ZNF16: variants seen among roughly 807,000 people sequenced by gnomAD.
ZNF16 encodes zinc finger protein 16.
In ZNF16, 7 loss-of-function variants were observed where a neutral mutation model predicts 9.0. That is an observed-to-expected ratio of 0.78 (90% confidence interval 0.44 to 1.47). The LOEUF (loss-of-function observed/expected upper bound fraction) is 1.47. Among genes scored for constraint, ZNF16 ranks in the 40% most tolerant of loss-of-function variants. ZNF16 has a pLI of 0.01. For synonymous variants in ZNF16, 312 were observed against 301.5 expected (o/e 1.03, Z -0.36); for missense variants, 830 against 854.2 (o/e 0.97, Z 0.35).
chr8:144,932,083 GCCTC>G lies in ZNF16; in HGVS notation c.700_703del (p.Glu234LeufsTer26), dbSNP rs765164431. ...CCCACAATCATCACACATAAAGGAA[GCCTC>G]CCCAGTGTGGACTATTTGACGCTGA... On this transcript the variant is annotated frameshift_variant, in exon 3 of 3. Coordinates refer to ENST00000394909, the MANE Select transcript of ZNF16 (RefSeq NM_006958.3). LOFTEE classifies it low-confidence loss of function (END_TRUNC). The surrounding 1 kb of genome is among the most constrained non-coding windows in gnomAD (Gnocchi z 5.0). The G allele has an allele frequency of 2.5e-6, 4 of 1,613,932 alleles. No homozygotes were observed.
intron 2 of ZNF16, chr8:144,944,460 ACAGGTGTGAGCCACCG>A (rs1833880383): frequency 6.8e-6 from 1 of 148,116 alleles, no homozygotes; most frequent in Non-Finnish European, 1.5e-5. Context: ...GTGCTGGGTT[ACAGGTGTGAGCCACCG>A]TGGTGCTGGG....
rs2130003489 is a variant in ZNF16 at position 144,933,451 on chromosome 8, GCTT to G, written c.197-864_197-862del. On this transcript the variant is annotated intron_variant, in intron 2 of 2. Transcript: ENST00000394909. The surrounding 1 kb of genome is among the most constrained non-coding windows in gnomAD (Gnocchi z 5.6). ...CAAAGCTCCGTGTCTGCCAGAAAAGGCTTCAGCATCTCCCTCTCCCCTTTTCAC... is the reference window on the plus strand; with the variant it reads ...CAAAGCTCCGTGTCTGCCAGAAAAGGCAGCATCTCCCTCTCCCCTTTTCAC... 6.6e-6 allele frequency among the ~76,000 whole-genome samples: 1 copy of G among 152,254 alleles called. No homozygotes were observed. The highest frequency in any genetic ancestry group is 6.5e-5 in the Admixed American group (1 of 15,290).
intron 2 of ZNF16, among the ~76,000 whole-genome samples, chr8:144,942,548 A>G (rs1398658139): frequency 6.6e-6 from 1 of 152,176 alleles, no homozygotes; most frequent in Admixed American, 6.5e-5. Flanking sequence ...TTGGCCTCCC[A>G]AAGTGCTGGG....
intron 1 of ZNF16, among the ~76,000 whole-genome samples, chr8:144,950,248 T>TC (rs572278855): frequency 2.9e-3 from 434 of 152,174 alleles, no homozygotes; most frequent in Non-Finnish European, 4.6e-3. Context: ...TGCATTCCTC[T>TC]TGCTGAGATA....
chr8:144,943,393 A>G (rs892840282), intron 2 of ZNF16, among the ~76,000 whole-genome samples: 23 of 151,986 alleles, frequency 1.5e-4, no homozygotes, highest in African/African-American at 5.3e-4. Flanking sequence ...CACATTGGGG[A>G]TACTCTCAGC....
In ZNF16 at chr8:144,932,361, C is replaced by T. The variant is rs1296562299; in HGVS notation, c.426G>A (p.Gly142=). Residue 142 remains glycine (G), a synonymous_variant, in exon 3 of 3, where the codon GGG becomes GGA. Transcript: ENST00000394909. The surrounding 1 kb of genome is among the most constrained non-coding windows in gnomAD (Gnocchi z 5.0). ...TCTCCCCTAAGGGGCCCCTAAGGAG[C>T]CCCATGGCAGCTGGTGTGAAGTCCC... ...QEGDFTPAAM[G]LLRGPLGEKD... 8.7e-6 allele frequency: 14 copies of T among 1,614,094 alleles called. No homozygotes were observed. The highest frequency in any genetic ancestry group is 1.2e-5 in the Non-Finnish European group (14 of 1,180,006).
Position 144,930,526 on chromosome 8 carries a change from C to T in ZNF16, c.*212G>A. Reference sequence around the variant, plus strand: ...CACAAGCTGTAAAAACAAGCCCAAACCCAAGACATCACAAGAGGCAAGAGC... The same window carrying T: ...CACAAGCTGTAAAAACAAGCCCAAATCCAAGACATCACAAGAGGCAAGAGC... On this transcript the variant is annotated 3_prime_UTR_variant, in exon 3 of 3. Transcript: ENST00000394909. 1.9e-6 allele frequency: 1 copy of T among 515,948 alleles called. No individual in the cohort carries two copies. The highest frequency in any genetic ancestry group is 3.3e-6 in the Non-Finnish European group (1 of 303,612). The allele number at this position is 515,948 out of a possible 1,614,324, so 32.0% of individuals were successfully genotyped here. A position where few individuals can be genotyped will look rare whatever the true frequency, so the allele number is the denominator to read the frequency against.
rs1026357619 is a variant in ZNF16, at chr8:144,930,491, G to T, written c.*247C>A. On this transcript the variant is annotated 3_prime_UTR_variant, in exon 3 of 3. Coordinates refer to ENST00000394909, the MANE Select transcript of ZNF16 (RefSeq NM_006958.3). ...TAATCTTCTCCCTTGTAACAAACGTGCAGTCCGTTCACAAGCTGTAAAAAC... is the reference window on the plus strand; with the variant it reads ...TAATCTTCTCCCTTGTAACAAACGTTCAGTCCGTTCACAAGCTGTAAAAAC... 1 of 438,950 alleles carries T rather than the reference G, an allele frequency of 2.3e-6. No individual in the cohort carries two copies. Among genetic ancestry groups the T allele is most frequent in the Non-Finnish European group, 4.0e-6 (1 of 249,822 alleles). 27.2% of individuals were successfully genotyped at this position (438,950 alleles called of 1,614,324 possible).
chr8:144,942,726 G>A (rs533512753), intron 2 of ZNF16, among the ~76,000 whole-genome samples: 2 of 152,236 alleles, frequency 1.3e-5, no homozygotes, highest in South Asian at 2.1e-4. Context: ...TTATGTTGTT[G>A]TCATCACAGA....
At chr8:144,949,017 C>T (rs542421005) in intron 1 of ZNF16, among the ~76,000 whole-genome samples, 4 of 152,378 alleles carry the variant, frequency 2.6e-5, no homozygotes, top group Non-Finnish European at 1.5e-5. Context: ...ATCACTCAGG[C>T]TGGCAGCCAG....
chr8:144,946,201 G>A lies in ZNF16; in HGVS notation c.6C>T (p.Pro2=). M[P]SLRTRREEAE... is the part of the protein sequence containing the mutation. ...CCTCCTCACGGCGAGTTCTGAGGCTGGGCATGACAAGGACCTGAAAACCGG... is the reference window on the plus strand; with the variant it reads ...CCTCCTCACGGCGAGTTCTGAGGCTAGGCATGACAAGGACCTGAAAACCGG... The change falls in exon 2 of 3, where the codon CCC becomes CCT. Residue 2 remains proline, a synonymous_variant. Transcript: ENST00000394909. 1.3e-6 allele frequency: 2 copies of A among 1,516,076 alleles called. No individual in the cohort carries two copies. Among genetic ancestry groups the A allele is most frequent in the African/African-American group, 1.4e-5 (1 of 72,652 alleles). The allele number at this position is 1,516,076 out of a possible 1,614,324, so 93.9% of individuals were successfully genotyped here.
Position 144,930,979 on chromosome 8 carries a change from C to T in ZNF16, c.1808G>A (p.Cys603Tyr). 1 of 1,614,164 alleles carries T rather than the reference C, an allele frequency of 6.2e-7. No homozygotes were observed. The highest frequency in any genetic ancestry group is 8.5e-7 in the Non-Finnish European group (1 of 1,180,014). Residue 603 changes from cysteine to tyrosine, a missense_variant, in exon 3 of 3, where the codon TGT (cysteine) becomes TAT (tyrosine). Transcript: ENST00000394909. ...KVHTGEKPYT[C>Y]VECGKGFSQS... ...GCTGAAGCCCTTACCACATTCAACA[C>T]AGGTGTAGGGTTTTTCCCCAGTATG...
intron 2 of ZNF16, among the ~76,000 whole-genome samples, chr8:144,937,078 T>C (rs891305560): frequency 3.3e-5 from 5 of 151,802 alleles, no homozygotes; most frequent in South Asian, 2.1e-4. Flanking sequence ...TACACCCTTA[T>C]AAAAAATATG....
At chr8:144,948,882 G>A (rs776954975) in intron 1 of ZNF16, among the ~76,000 whole-genome samples, 3 of 152,246 alleles carry the variant, frequency 2.0e-5, no homozygotes, top group Middle Eastern at 3.4e-3. Flanking sequence ...TACCAAAAAG[G>A]ACTTTGCAAA....
chr8:144,949,872 C>T (rs1377299357), intron 1 of ZNF16, among the ~76,000 whole-genome samples: 3 of 152,176 alleles, frequency 2.0e-5, no homozygotes, highest in African/African-American at 7.2e-5. Context: ...AGCCCAACGC[C>T]CGTAAAGGGT....
intron 1 of ZNF16, 147 bp downstream of exon 1, chr8:144,950,650 C>A (rs1834092736): frequency 3.1e-5 from 4 of 129,554 alleles, no homozygotes. Flanking sequence ...GCTCCCACAA[C>A]CCCCCGCGCG....
intron 2 of ZNF16, among the ~76,000 whole-genome samples, chr8:144,934,544 T>G (rs1833635896): frequency 1.3e-5 from 2 of 152,246 alleles, no homozygotes; most frequent in Non-Finnish European, 2.9e-5. Flanking sequence ...ATCTACATGC[T>G]GCTGGGCTCC....
chr8:144,940,359 TCTTC>T (rs1209386380), intron 2 of ZNF16, among the ~76,000 whole-genome samples: 1 of 152,184 alleles, frequency 6.6e-6, no homozygotes, highest in East Asian at 1.9e-4. Context: ...CTGGCCTCTC[TCTTC>T]CTTTTCAACA....
At chr8:144,949,835 G>A (rs1390985610) in intron 1 of ZNF16, among the ~76,000 whole-genome samples, 1 of 152,300 alleles carries the variant, frequency 6.6e-6, no homozygotes, top group East Asian at 1.9e-4. Flanking sequence ...ATGGCCTCAT[G>A]GGATGAGAAA....
Sources: allele counts gnomAD v4.1 joint callset (sites outside exome capture counted in the v4.1 genomes callset), GRCh38; gene constraint gnomAD v4.1.1; non-coding constraint Gnocchi (gnomAD v3.1); transcripts MANE v1.5; gene names NCBI Gene and HGNC (gene_info 2026-07-23, HGNC 2026-07-21).